The following CLASP1 variants were observed in gnomAD, a reference collection of about 807,000 sequenced individuals.
The protein encoded by CLASP1 is CLIP-associating protein 1.
A neutral mutation model predicts 192.3 loss-of-function variants in CLASP1; 38 were observed. The observed-to-expected ratio is 0.20, with a 90% CI of 0.15 to 0.26. CLASP1 has a LOEUF of 0.26. Among genes scored for constraint, CLASP1 ranks in the 10% least tolerant of loss-of-function variants. CLASP1 has a pLI of 1.00. For synonymous variants in CLASP1, 691 were observed against 712.8 expected (o/e 0.97, Z 0.49); for missense variants, 1,433 against 1,932.5 (o/e 0.74, Z 4.85).
chr2:121,569,012 A>C (rs997500427), intron 2 of CLASP1, among the ~76,000 whole-genome samples: 1 of 152,108 alleles, frequency 6.6e-6, no homozygotes, highest in African/African-American at 2.4e-5. Flanking sequence ...TGCCTTCCGG[A>C]GATATAAATG....
At chr2:121,405,499 C>A (rs985505499) in intron 25 of CLASP1, among the ~76,000 whole-genome samples, 1 of 152,178 alleles carries the variant, frequency 6.6e-6, no homozygotes, top group Non-Finnish European at 1.5e-5. Flanking sequence ...CTTTTCTGAT[C>A]CTTGACTACT....
intron 32 of CLASP1, among the ~76,000 whole-genome samples, chr2:121,386,233 A>G (rs991839571): frequency 2.0e-5 from 3 of 152,252 alleles, no homozygotes; most frequent in Middle Eastern, 3.2e-3. Context: ...AAGGGAAAAT[A>G]GCATACTTGT....
chr2:121,452,512 C>T (rs760088304), intron 14 of CLASP1, among the ~76,000 whole-genome samples: 1 of 152,128 alleles, frequency 6.6e-6, no homozygotes, highest in Non-Finnish European at 1.5e-5. Context: ...TTTTTCTGGC[C>T]GGGCACAGTG....
intron 9 of CLASP1, among the ~76,000 whole-genome samples, 191 bp from the exon 10 acceptor site, chr2:121,462,796 T>G (rs1047701782): frequency 6.6e-6 from 1 of 152,180 alleles, no homozygotes; most frequent in Non-Finnish European, 1.5e-5. Context: ...AGATGAAATA[T>G]AGTAATTCTA....
At chr2:121,548,668 G>A (rs950378044) in intron 2 of CLASP1, among the ~76,000 whole-genome samples, 1 of 151,992 alleles carries the variant, frequency 6.6e-6, no homozygotes, top group Non-Finnish European at 1.5e-5. Context: ...GAGAGAAAGG[G>A]CAGGTCACCT....
At chr2:121,362,999 C>T (rs900056383) in intron 37 of CLASP1, among the ~76,000 whole-genome samples, 173 bp downstream of exon 38, 5 of 152,208 alleles carry the variant, frequency 3.3e-5, no homozygotes. Context: ...TGGAACTATG[C>T]CACTGCTCAG....
At chr2:121,509,567 G>T (rs960642445) in intron 7 of CLASP1, among the ~76,000 whole-genome samples, 31 of 152,162 alleles carry the variant, frequency 2.0e-4, no homozygotes, top group Non-Finnish European at 7.3e-5. Flanking sequence ...GCCGGGCACG[G>T]TGGACCACAC....
At chr2:121,606,843 A>C (rs1372618894) in intron 1 of CLASP1, among the ~76,000 whole-genome samples, 1 of 152,228 alleles carries the variant, frequency 6.6e-6, no homozygotes, top group East Asian at 1.9e-4. Flanking sequence ...CGATCATTTG[A>C]GGTCAGGAGT....
chr2:121,592,516 T>C (rs983533263), intron 2 of CLASP1, among the ~76,000 whole-genome samples: 2 of 152,214 alleles, frequency 1.3e-5, no homozygotes, highest in African/African-American at 2.4e-5. Flanking sequence ...ATTCTTTCTA[T>C]ACATTTCAAA....
chr2:121,403,573 C>A, intron 26 of CLASP1: 1 of 448,424 alleles, frequency 2.2e-6, no homozygotes, highest in Non-Finnish European at 4.5e-6. Flanking sequence ...TGCTTCTGCT[C>A]ATTTAAGGTT....
At chr2:121,545,144 G>T (rs2095306611) in intron 2 of CLASP1, among the ~76,000 whole-genome samples, 1 of 152,016 alleles carries the variant, frequency 6.6e-6, no homozygotes, top group Non-Finnish European at 1.5e-5. Flanking sequence ...ACTCCTGACA[G>T]TTCAAGTGAT....
At chr2:121,352,070 A>G (rs1463090191) in intron 37 of CLASP1, among the ~76,000 whole-genome samples, 1 of 152,186 alleles carries the variant, frequency 6.6e-6, no homozygotes, top group East Asian at 1.9e-4. Flanking sequence ...GAGGGCCAGC[A>G]TGAGGGTGTG....
At chr2:121,477,186 G>C (rs1159472575) in intron 8 of CLASP1, among the ~76,000 whole-genome samples, 1 of 152,182 alleles carries the variant, frequency 6.6e-6, no homozygotes, top group African/African-American at 2.4e-5. Flanking sequence ...CTAGAACAGA[G>C]TCTGGGCCAA....
chr2:121,588,765 T>C (rs147132239), intron 2 of CLASP1, among the ~76,000 whole-genome samples: 2 of 152,134 alleles, frequency 1.3e-5, no homozygotes, highest in African/African-American at 4.8e-5. Flanking sequence ...CCCCAACCAA[T>C]CTAAAGTATG....
chr2:121,455,350 C>T (rs1408145900), intron 14 of CLASP1, among the ~76,000 whole-genome samples: 2 of 152,142 alleles, frequency 1.3e-5, no homozygotes, highest in Non-Finnish European at 2.9e-5. Flanking sequence ...TATCTGAACT[C>T]TCATGATTAT....
intron 26 of CLASP1, among the ~76,000 whole-genome samples, chr2:121,403,232 T>TG (rs1393809593): frequency 2.0e-5 from 3 of 152,020 alleles, no homozygotes; most frequent in Admixed American, 6.6e-5. Context: ...AGAGCTGTTG[T>TG]GGGGGGAGGG....
intron 2 of CLASP1, chr2:121,530,837 G>A: frequency 1.5e-6 from 1 of 664,450 alleles, no homozygotes; most frequent in Non-Finnish European, 2.8e-6. Context: ...AACCCTACCA[G>A]GTATTGGCGC....
chr2:121,393,382 G>C (rs552446710), intron 30 of CLASP1, among the ~76,000 whole-genome samples: 15 of 152,100 alleles, frequency 9.9e-5, no homozygotes, highest in African/African-American at 3.6e-4. Flanking sequence ...TGGAAATGAA[G>C]GATGAGGCAG....
intron 38 of CLASP1, 28 bp from the exon 40 acceptor site, chr2:121,347,182 G>C: frequency 7.0e-7 from 1 of 1,431,690 alleles, no homozygotes. Context: ...AACACGAAAA[G>C]GAAACCAGAT....
Sources: gnomAD v4.1 joint callset for allele counts (sites outside exome capture counted in the v4.1 genomes callset) on GRCh38, gnomAD v4.1.1 for gene constraint, MANE v1.5 for transcripts, NCBI Gene and HGNC (gene_info 2026-07-23, HGNC 2026-07-21) for gene names.